Variants in PPP1R12A observed in about 807,000 individuals in gnomAD.
PPP1R12A encodes the protein myosin binding subunit.
Under a neutral mutation model 139.6 loss-of-function variants are expected in PPP1R12A, and 19 were observed. That is an observed-to-expected ratio of 0.14 (90% CI 0.09 to 0.20). The LOEUF (loss-of-function observed/expected upper bound fraction) is 0.20. Ranked by LOEUF, PPP1R12A falls within the 10% of genes least tolerant of loss-of-function variation. The pLI, the probability that PPP1R12A is intolerant of heterozygous loss-of-function variation, is 1.00. For synonymous variants in PPP1R12A, 427 were observed against 420.6 expected (o/e 1.02, Z -0.19); for missense variants, 925 against 1,211.5 (o/e 0.76, Z 3.51).
At chr12:79,865,874 G>A (rs746919065) in intron 2 of PPP1R12A, among the ~76,000 whole-genome samples, 4 of 152,098 alleles carry the variant, frequency 2.6e-5, no homozygotes, top group Non-Finnish European at 4.4e-5. Context: ...AATCAATATC[G>A]TGAAAATGGC....
intron 2 of PPP1R12A, among the ~76,000 whole-genome samples, chr12:79,851,272 C>A (rs1880009132): frequency 6.6e-6 from 1 of 152,122 alleles, no homozygotes; most frequent in Admixed American, 6.5e-5. Context: ...CTCTGAGCAA[C>A]AAAATGCAAA....
intron 2 of PPP1R12A, among the ~76,000 whole-genome samples, chr12:79,855,117 T>G (rs1880486887): frequency 6.6e-6 from 1 of 151,872 alleles, no homozygotes. Flanking sequence ...GCCTCCCGAG[T>G]AGCTGGGACT....
rs75691369 is a variant in PPP1R12A, at chr12:79,824,541, C to T, written c.793-2351G>A. 3.9e-3 allele frequency among the ~76,000 whole-genome samples: 597 copies of T among 152,258 alleles called. 3 individuals carry two copies. The highest frequency in any genetic ancestry group is 6.5e-3 in the Non-Finnish European group (442 of 67,994). ...ATAAATGAATCTACTTTGCAAACAG[C>T]AGCTGATACACAATCAAATTAGAGT... On this transcript the variant is annotated intron_variant, in intron 5 of 24. Coordinates refer to ENST00000450142, the MANE Select transcript of PPP1R12A (RefSeq NM_002480.3).
At chr12:79,864,318 T>A (rs1470618366) in intron 2 of PPP1R12A, among the ~76,000 whole-genome samples, 1 of 152,066 alleles carries the variant, frequency 6.6e-6, no homozygotes, top group Non-Finnish European at 1.5e-5. Context: ...CGTACCAGAA[T>A]CTCTAGGACA....
At chr12:79,795,780 C>T (rs1281495546) in intron 17 of PPP1R12A, 21 bp from the exon 18 acceptor site, 2 of 1,602,182 alleles carry the variant, frequency 1.2e-6, no homozygotes, top group Non-Finnish European at 1.7e-6. Flanking sequence ...TTGCAATGAA[C>T]CACAATATAG....
chr12:79,855,083 G>T (rs1159853618), intron 2 of PPP1R12A, among the ~76,000 whole-genome samples: 1 of 152,020 alleles, frequency 6.6e-6, no homozygotes, highest in African/African-American at 2.4e-5. Flanking sequence ...CCGCCTCCCG[G>T]GTTCATGCCA....
chr12:79,864,594 A>G (rs1282652046), intron 2 of PPP1R12A, among the ~76,000 whole-genome samples: 2 of 152,146 alleles, frequency 1.3e-5, no homozygotes, highest in Non-Finnish European at 2.9e-5. Flanking sequence ...AAGACTAATA[A>G]AGAGAGAAGA....
intron 2 of PPP1R12A, among the ~76,000 whole-genome samples, chr12:79,847,499 G>C (rs1156902039): frequency 6.6e-6 from 1 of 151,976 alleles, no homozygotes; most frequent in Non-Finnish European, 1.5e-5. Flanking sequence ...CTCCTTTTAT[G>C]AACTGCTTAT....
intron 9 of PPP1R12A, among the ~76,000 whole-genome samples, chr12:79,813,211 A>G (rs1387419999): frequency 6.6e-6 from 1 of 152,166 alleles, no homozygotes; most frequent in Non-Finnish European, 1.5e-5. Flanking sequence ...ATCAAATGGA[A>G]CAATTCATTT....
In PPP1R12A at chr12:79,855,475, T is replaced by C. The variant is rs572360037; in HGVS notation, c.369-10055A>G. Among the ~76,000 whole-genome samples the C allele has an allele frequency of 4.6e-5, 7 of 152,304 alleles. No individual in the cohort carries two copies. In the East Asian group the frequency reaches 1.4e-3, roughly 29 times the overall value. ...GTATCTTTATGGTACAAATTTATTT[T>C]CCTGTGGGTATATAACCAATAATGG... is the stretch of plus-strand genomic sequence containing the variant. On this transcript the variant is annotated intron_variant, in intron 2 of 24. Transcript: ENST00000450142.
At position 79,788,843 on chromosome 12, in the gene PPP1R12A, T is replaced by C. The variant is rs550584592; in HGVS notation, c.2667-60A>G. ...ATAGGCTTTTACAATTATAACAACATACATCCTAGTACACATATAACTTGA... is the reference window on the plus strand; with the variant it reads ...ATAGGCTTTTACAATTATAACAACACACATCCTAGTACACATATAACTTGA... On this transcript the variant is annotated intron_variant, in intron 20 of 24. Coordinates refer to ENST00000450142, the MANE Select transcript of PPP1R12A (RefSeq NM_002480.3). 34 of 1,374,078 alleles carry C rather than the reference T, an allele frequency of 2.5e-5. No homozygotes were observed. In the East Asian group the frequency reaches 7.0e-4, roughly 28 times the overall value. The allele number at this position is 1,374,078 out of a possible 1,614,324, so 85.1% of individuals were successfully genotyped here. A position where few individuals can be genotyped will look rare whatever the true frequency, so the allele number is the denominator to read the frequency against.
At chr12:79,845,471 A>G (rs375896171) in intron 2 of PPP1R12A, 51 bp from the exon 3 acceptor site, 59 of 1,297,158 alleles carry the variant, frequency 4.5e-5, no homozygotes, top group Non-Finnish European at 6.4e-5. Context: ...TCATTGAAAT[A>G]AAACTAAATG....
intron 2 of PPP1R12A, among the ~76,000 whole-genome samples, chr12:79,858,523 A>G (rs1330022441): frequency 6.6e-6 from 1 of 152,184 alleles, no homozygotes; most frequent in Non-Finnish European, 1.5e-5. Flanking sequence ...AATTCATTCA[A>G]AGTTGACGAG....
chr12:79,797,465 TAG>T, intron 15 of PPP1R12A, 70 bp from the exon 16 acceptor site: 1 of 1,371,028 alleles, frequency 7.3e-7, no homozygotes, highest in African/African-American at 1.5e-5. Flanking sequence ...ATTTTAGAAA[TAG>T]ATATATTACA....
chr12:79,880,572 G>GT (rs1215129372), intron 1 of PPP1R12A, among the ~76,000 whole-genome samples: 1 of 152,160 alleles, frequency 6.6e-6, no homozygotes, highest in Non-Finnish European at 1.5e-5. Context: ...GGTGGCTCAA[G>GT]TAAGTAGTAG....
intron 9 of PPP1R12A, among the ~76,000 whole-genome samples, chr12:79,812,280 T>A (rs1469447788): frequency 6.6e-6 from 1 of 152,148 alleles, no homozygotes; most frequent in Non-Finnish European, 1.5e-5. Flanking sequence ...TACTTAACTA[T>A]ACCTCCTCCT....
chr12:79,912,940 C>T (rs544224431), intron 1 of PPP1R12A, among the ~76,000 whole-genome samples: 14 of 152,280 alleles, frequency 9.2e-5, no homozygotes, highest in Non-Finnish European at 1.9e-4. Flanking sequence ...TATTTGAATA[C>T]ATTAGAAATC....
At chr12:79,782,457 C>A in intron 22 of PPP1R12A, 1 of 382,484 alleles carries the variant, frequency 2.6e-6, no homozygotes. Context: ...CTGGTGAGCT[C>A]AGGCCTTTCA....
chr12:79,777,404 GAT>G (rs996282743), intron 24 of PPP1R12A: 11 of 984,506 alleles, frequency 1.1e-5, no homozygotes, highest in Non-Finnish European at 1.3e-5. Flanking sequence ...TTAGTTATAT[GAT>G]ATGCTCCAGA....
Sources: gnomAD v4.1 joint callset for allele counts (sites outside exome capture counted in the v4.1 genomes callset) on GRCh38, gnomAD v4.1.1 for gene constraint, MANE v1.5 for transcripts, NCBI Gene and HGNC (gene_info 2026-07-23, HGNC 2026-07-21) for gene names.